Variants in KDELR3 observed in about 807,000 individuals in gnomAD.
KDELR3 encodes the protein ER lumen protein-retaining receptor 3.
In KDELR3, 26 loss-of-function variants were observed where a neutral mutation model predicts 22.7. The observed-to-expected ratio is 1.15, with a 90% CI of 0.84 to 1.59. KDELR3 has a LOEUF of 1.59. Ranked by LOEUF, KDELR3 falls within the 40% of genes most tolerant of loss-of-function variation. The pLI, the probability that KDELR3 is intolerant of heterozygous loss-of-function variation, is 0.00. For missense variants in KDELR3, 289 were observed against 251.1 expected, an observed-to-expected ratio of 1.15 and a Z score of -1.02; for synonymous variants, 120 against 98.2, an observed-to-expected ratio of 1.22 and a Z score of -1.31.
chr22:38,474,450 C>A (rs1467269762), intron 1 of KDELR3, 73 bp from the exon 2 acceptor site: 5 of 1,205,708 alleles, frequency 4.1e-6, no homozygotes, highest in Non-Finnish European at 4.9e-6. Flanking sequence ...CAGCTCCAGG[C>A]TGTGCACCTC....
chr22:38,471,995 C>T (rs917580408), intron 1 of KDELR3, among the ~76,000 whole-genome samples: 1 of 151,368 alleles, frequency 6.6e-6, no homozygotes, highest in African/African-American at 2.4e-5. Flanking sequence ...TTCTCCCACC[C>T]CAAATGTCTG....
At position 38,482,514 on chromosome 22, in the gene KDELR3, T is replaced by TAAGTCTTCCAATGCCAATCTGAGGA. The variant is rs1569134540; in HGVS notation, c.624_*3dup. On this transcript the variant is annotated stop_gained and frameshift_variant, in exon 5 of 5. Coordinates refer to ENST00000216014, the MANE Select transcript of KDELR3 (RefSeq NM_006855.4). LOFTEE classifies it high-confidence loss of function. ...CTTCCAGTCCTTAAGGGAAAGAAGT[T>TAAGTCTTCCAATGCCAATCTGAGGA]AAGTCTTCCAATGCCAATCTGAGGA... 6.2e-7 allele frequency: 1 copy of TAAGTCTTCCAATGCCAATCTGAGGA among 1,613,028 alleles called. No homozygotes were observed.
intron 4 of KDELR3, 173 bp downstream of exon 4, chr22:38,481,637 A>AT: frequency 6.8e-7 from 1 of 1,461,898 alleles, no homozygotes; most frequent in African/African-American, 1.4e-5. Flanking sequence ...CCATAAAAAC[A>AT]TGCAGGCCAA....
At chr22:38,472,742 C>T (rs1313498993) in intron 1 of KDELR3, among the ~76,000 whole-genome samples, 1 of 152,076 alleles carries the variant, frequency 6.6e-6, no homozygotes, top group Non-Finnish European at 1.5e-5. Context: ...TCTTGTTGCC[C>T]AGGCTGGAGT....
Position 38,483,248 on chromosome 22 carries a change from C to A in KDELR3, c.*712C>A, listed in dbSNP as rs2089618789. 6.6e-6 allele frequency: 1 copy of A among 152,172 alleles called. No homozygotes were observed. Among genetic ancestry groups the A allele is most frequent in the African/African-American group, 2.4e-5 (1 of 41,422 alleles). 9.4% of individuals were successfully genotyped at this position (152,172 alleles called of 1,614,324 possible). A position where few individuals can be genotyped will look rare whatever the true frequency, so the allele number is the denominator to read the frequency against. ...ACTTATGAGCAGATACAGATATATCCAAACCCTTACCTACTAGGTATCCTG... is the reference window on the plus strand; with the variant it reads ...ACTTATGAGCAGATACAGATATATCAAAACCCTTACCTACTAGGTATCCTG... On this transcript the variant is annotated 3_prime_UTR_variant, in exon 5 of 5. Transcript: ENST00000216014.
At chr22:38,470,105 C>T (rs562278088) in intron 1 of KDELR3, among the ~76,000 whole-genome samples, 2 of 149,448 alleles carry the variant, frequency 1.3e-5, no homozygotes, top group East Asian at 2.0e-4. Context: ...GGATTGTAGG[C>T]GTGGGCCACT....
intron 1 of KDELR3, among the ~76,000 whole-genome samples, chr22:38,471,702 C>T (rs1043320550): frequency 4.6e-5 from 7 of 152,012 alleles, no homozygotes; most frequent in African/African-American, 1.7e-4. Context: ...AGTGGCTTAC[C>T]CATGTAATCC....
chr22:38,482,873 C>A lies in KDELR3; in HGVS notation c.*337C>A. 3.5e-6 allele frequency: 1 copy of A among 284,128 alleles called. No homozygotes were observed. Among genetic ancestry groups the A allele is most frequent in the African/African-American group, 2.2e-5 (1 of 45,936 alleles). The allele number at this position is 284,128 out of a possible 1,614,324, so 17.6% of individuals were successfully genotyped here. Reference sequence around the variant, plus strand: ...GCAAGACTCATGATGAGCAAGTCAACCCCAATCTGGAACAATGTCCCTCCT... The same window carrying A: ...GCAAGACTCATGATGAGCAAGTCAAACCCAATCTGGAACAATGTCCCTCCT... On this transcript the variant is annotated 3_prime_UTR_variant, in exon 5 of 5. Transcript: ENST00000216014.
At chr22:38,473,854 A>G (rs559132402) in intron 1 of KDELR3, among the ~76,000 whole-genome samples, 8 of 152,100 alleles carry the variant, frequency 5.3e-5, no homozygotes, top group African/African-American at 1.4e-4. Context: ...GGCACCTGTA[A>G]TCCCAGCTAC....
intron 1 of KDELR3, among the ~76,000 whole-genome samples, chr22:38,469,963 G>A (rs138421): frequency 6.0e-5 from 9 of 149,302 alleles, no homozygotes; most frequent in Non-Finnish European, 7.4e-5. Flanking sequence ...GGGATTACAG[G>A]CACGCACCAC....
In KDELR3 at chr22:38,475,644, C is replaced by T. The variant is rs536086089; in HGVS notation, c.192+1021C>T. Among the ~76,000 whole-genome samples, 38 of 152,208 alleles carry T rather than the reference C, an allele frequency of 2.5e-4. No individual in the cohort carries two copies. The East Asian group carries it at 3.3e-3, about 13-fold the overall frequency. ...ACACCTTCTTTCTGTTTTTTTAAGA[C>T]GGAGTCTCACTGTTTTCTGTTGCCC... is the stretch of plus-strand genomic sequence containing the variant. On this transcript the variant is annotated intron_variant, in intron 2 of 4. Transcript: ENST00000216014.
intron 1 of KDELR3, among the ~76,000 whole-genome samples, chr22:38,471,518 CACTGAG>C (rs2089524984): frequency 6.6e-6 from 1 of 152,212 alleles, no homozygotes; most frequent in Non-Finnish European, 1.5e-5. Flanking sequence ...CTCAGGTTCT[CACTGAG>C]CACTGTGTAT....
intron 2 of KDELR3, among the ~76,000 whole-genome samples, chr22:38,475,328 T>C (rs1213320879): frequency 1.3e-5 from 2 of 150,736 alleles, no homozygotes; most frequent in Non-Finnish European, 3.0e-5. Flanking sequence ...ATTTAAGAAA[T>C]TTAGCTGGGC....
intron 4 of KDELR3, among the ~76,000 whole-genome samples, chr22:38,482,032 C>A (rs754330601): frequency 6.6e-6 from 1 of 152,176 alleles, no homozygotes; most frequent in African/African-American, 2.4e-5. Context: ...CCTAGCGCCT[C>A]GTAGGCCAGG....
chr22:38,479,501 A>G, intron 2 of KDELR3, 92 bp from the exon 3 acceptor site: 1 of 1,204,008 alleles, frequency 8.3e-7, no homozygotes, highest in Non-Finnish European at 1.2e-6. Context: ...ATGGCAGAAC[A>G]CTGACCCTTA....
Position 38,481,220 on chromosome 22 carries a change from G to GACTT in KDELR3, c.361_364dup (p.Phe122TyrfsTer25). 1 of 1,613,468 alleles carries GACTT rather than the reference G, an allele frequency of 6.2e-7. No individual in the cohort carries two copies. Among genetic ancestry groups the GACTT allele is most frequent in the Non-Finnish European group, 8.5e-7 (1 of 1,179,674 alleles). On this transcript the variant is annotated frameshift_variant, in exon 4 of 5. Transcript: ENST00000216014. LOFTEE classifies it high-confidence loss of function. ...CTTTCTCTTTGGCTCAGATCCTCTG[G>GACTT]ACTTTCTCTATCTATCTGGAATCAG...
intron 1 of KDELR3, among the ~76,000 whole-genome samples, chr22:38,468,696 A>G (rs958669268): frequency 2.0e-5 from 3 of 152,024 alleles, no homozygotes; most frequent in East Asian, 1.9e-4. Context: ...GGAACGGCCC[A>G]CGATTCTCAA....
chr22:38,481,057 G>A (rs2089595968), intron 3 of KDELR3, among the ~76,000 whole-genome samples, 155 bp from the exon 4 acceptor site: 1 of 152,114 alleles, frequency 6.6e-6, no homozygotes, highest in African/African-American at 2.4e-5. Context: ...AGAGATGGTA[G>A]GTTAAACTGA....
intron 2 of KDELR3, among the ~76,000 whole-genome samples, chr22:38,477,159 C>T (rs146068038): frequency 0.023 from 3,438 of 150,698 alleles, 147 homozygotes; most frequent in African/African-American, 0.081. Context: ...GTGATCTGCC[C>T]ACCTCGGCCT....
Sources: allele counts gnomAD v4.1 joint callset (sites outside exome capture counted in the v4.1 genomes callset), GRCh38; gene constraint gnomAD v4.1.1; transcripts MANE v1.5; gene names NCBI Gene and HGNC (gene_info 2026-07-23, HGNC 2026-07-21).